Variants in IREB2 observed in about 807,000 individuals in gnomAD.
The protein encoded by IREB2 is iron-responsive element-binding protein 2.
In IREB2, 39 loss-of-function variants were observed where a neutral mutation model predicts 118.8. The observed-to-expected ratio is 0.33, with a 90% CI of 0.25 to 0.43. The LOEUF is 0.43. Ranked by LOEUF, IREB2 falls within the 20% of genes least tolerant of loss-of-function variation. IREB2 has a pLI of 1.00. For missense variants in IREB2, 900 were observed against 1,147.3 expected, an observed-to-expected ratio of 0.78 and a Z score of 3.11; for synonymous variants, 372 against 392.2, an observed-to-expected ratio of 0.95 and a Z score of 0.61.
At chr15:78,471,637 A>G in intron 6 of IREB2, 104 bp from the exon 7 acceptor site, 1 of 630,496 alleles carries the variant, frequency 1.6e-6, no homozygotes, top group South Asian at 3.4e-5. Context: ...TATTTACCAT[A>G]TTGAACATTA....
intron 5 of IREB2, among the ~76,000 whole-genome samples, chr15:78,469,887 AAATAACTAT>A (rs1263604540): frequency 6.6e-6 from 1 of 152,230 alleles, no homozygotes; most frequent in Non-Finnish European, 1.5e-5. Context: ...TAATTTTTAA[AAATAACTAT>A]TAGATAAAAA....
rs113165907 is a variant in IREB2, at chr15:78,472,524, G to A, written c.883+600G>A. On this transcript the variant is annotated intron_variant, in intron 7 of 21. Coordinates refer to ENST00000258886, the MANE Select transcript of IREB2 (RefSeq NM_004136.4). ...TGGGACTACAGGCACGTGCCACCACGCCCAGCTAATTTTTGTATTTTTAGT... is the reference window on the plus strand; with the variant it reads ...TGGGACTACAGGCACGTGCCACCACACCCAGCTAATTTTTGTATTTTTAGT... 7.4e-3 allele frequency among the ~76,000 whole-genome samples: 1,130 copies of A among 152,022 alleles called. 15 individuals carry two copies. Among genetic ancestry groups the A allele is most frequent in the African/African-American group, 0.022 (923 of 41,448 alleles).
chr15:78,472,041 T>A (rs1019374406), intron 7 of IREB2, 117 bp downstream of exon 7: 1 of 686,526 alleles, frequency 1.5e-6, no homozygotes, highest in Non-Finnish European at 2.3e-6. Flanking sequence ...GTTTTTCATC[T>A]GTAATAACAG....
chr15:78,490,305 T>TTTG (rs1037790424), intron 16 of IREB2, 117 bp from the exon 17 acceptor site: 10 of 588,716 alleles, frequency 1.7e-5, no homozygotes, highest in Middle Eastern at 2.7e-4. Flanking sequence ...AAGGCCTATT[T>TTTG]TTGTTGTTGT....
At chr15:78,444,058 CT>C (rs2050888358) in intron 2 of IREB2, among the ~76,000 whole-genome samples, 1 of 151,650 alleles carries the variant, frequency 6.6e-6, no homozygotes, top group African/African-American at 2.4e-5. Context: ...TTGAGTAACT[CT>C]TTAAAAAAAA....
chr15:78,485,046 AT>A, intron 12 of IREB2, 126 bp downstream of exon 12: 1 of 830,674 alleles, frequency 1.2e-6, no homozygotes, highest in Non-Finnish European at 1.8e-6. Flanking sequence ...ACTTTCTAGT[AT>A]TTTAGTTAGG....
intron 1 of IREB2, among the ~76,000 whole-genome samples, chr15:78,439,097 C>T (rs745678185): frequency 1.3e-5 from 2 of 152,134 alleles, no homozygotes; most frequent in Non-Finnish European, 2.9e-5. Flanking sequence ...CCACTGCCCC[C>T]TAGAATGTTG....
At chr15:78,454,301 T>C (rs1202850076) in intron 2 of IREB2, among the ~76,000 whole-genome samples, 1 of 152,182 alleles carries the variant, frequency 6.6e-6, no homozygotes, top group African/African-American at 2.4e-5. Context: ...AGTGGGTGAA[T>C]GAATAGGCAA....
At chr15:78,438,392 G>A in intron 1 of IREB2, 36 bp downstream of exon 1, 1 of 1,588,700 alleles carries the variant, frequency 6.3e-7, no homozygotes, top group African/African-American at 1.3e-5. Flanking sequence ...TCTGGCAGTT[G>A]GAAACGCGCG....
intron 10 of IREB2, among the ~76,000 whole-genome samples, chr15:78,478,823 A>T (rs1291768451): frequency 6.6e-6 from 1 of 152,020 alleles, no homozygotes; most frequent in Non-Finnish European, 1.5e-5. Flanking sequence ...TTTCTGCCTC[A>T]GTTTTCTCAT....
chr15:78,472,567 A>C (rs112118196), intron 7 of IREB2, among the ~76,000 whole-genome samples: 20 of 152,072 alleles, frequency 1.3e-4, no homozygotes, highest in African/African-American at 4.8e-4. Context: ...CGGTTTTGCT[A>C]TGCTGGCCTG....
intron 9 of IREB2, among the ~76,000 whole-genome samples, chr15:78,477,892 GC>G (rs1168495136): frequency 2.6e-5 from 4 of 152,086 alleles, no homozygotes; most frequent in Non-Finnish European, 5.9e-5. Context: ...CTGTACTCCA[GC>G]CTAGGTGACA....
At chr15:78,450,190 G>A (rs948516172) in intron 2 of IREB2, among the ~76,000 whole-genome samples, 2 of 152,152 alleles carry the variant, frequency 1.3e-5, no homozygotes, top group African/African-American at 4.8e-5. Context: ...TTAGTAATGG[G>A]GACATACATG....
chr15:78,470,756 G>A (rs971026766), intron 6 of IREB2, 155 bp downstream of exon 6: 10 of 424,536 alleles, frequency 2.4e-5, no homozygotes, highest in Admixed American at 2.1e-4. Context: ...GTCCAGTGGC[G>A]TGATCTCAGC....
chr15:78,470,446 T>C, intron 5 of IREB2, 86 bp from the exon 6 acceptor site: 1 of 711,966 alleles, frequency 1.4e-6, no homozygotes, highest in Non-Finnish European at 2.4e-6. Context: ...TGTGTATATA[T>C]ATGCCTAAGA....
chr15:78,463,903 C>A (rs1025521687), intron 3 of IREB2, among the ~76,000 whole-genome samples: 1 of 152,128 alleles, frequency 6.6e-6, no homozygotes, highest in African/African-American at 2.4e-5. Flanking sequence ...TAAGTCTTTT[C>A]TGTTATAGTA....
At chr15:78,492,091 GAAGT>G (rs2051761356) in intron 18 of IREB2, among the ~76,000 whole-genome samples, 2 of 152,106 alleles carry the variant, frequency 1.3e-5, no homozygotes, top group African/African-American at 2.4e-5. Context: ...CTCCCATCCT[GAAGT>G]AAAAATTTAA....
At chr15:78,447,332 A>ATTTT (rs778920348) in intron 2 of IREB2, among the ~76,000 whole-genome samples, 1 of 138,448 alleles carries the variant, frequency 7.2e-6, no homozygotes, top group Non-Finnish European at 1.6e-5. Flanking sequence ...CACCTGGCTA[A>ATTTT]TTTTTTTTTT....
At chr15:78,496,254 TC>T (rs2051836247) in intron 20 of IREB2, among the ~76,000 whole-genome samples, 1 of 152,208 alleles carries the variant, frequency 6.6e-6, no homozygotes, top group Admixed American at 6.5e-5. Context: ...TATACCCTCT[TC>T]ATTATTGTTG....
Sources: gnomAD v4.1 joint callset for allele counts (sites outside exome capture counted in the v4.1 genomes callset) on GRCh38, gnomAD v4.1.1 for gene constraint, MANE v1.5 for transcripts, NCBI Gene and HGNC (gene_info 2026-07-23, HGNC 2026-07-21) for gene names.